Variants in FNDC1 observed in about 807,000 individuals in gnomAD.
FNDC1 encodes the protein fibronectin type III domain containing 1, also known as fibronectin type III domain-containing protein 1.
A neutral mutation model predicts 168.0 loss-of-function variants in FNDC1; 96 were observed. That is an observed-to-expected ratio of 0.57 (90% CI 0.48 to 0.68). The LOEUF (loss-of-function observed/expected upper bound fraction) is 0.68. Ranked by LOEUF, FNDC1 falls within the 30% of genes least tolerant of loss-of-function variation. The pLI is 0.00. For synonymous variants in FNDC1, 1,099 were observed against 1,025.9 expected, an observed-to-expected ratio of 1.07 and a Z score of -1.36; for missense variants, 2,587 against 2,482.1, an observed-to-expected ratio of 1.04 and a Z score of -0.90.
At position 159,203,950 on chromosome 6, in the gene FNDC1, T is replaced by C. The variant is rs182194641; in HGVS notation, c.460+3369T>C. ...ATAGTTCTGAATATGATCATATCTA[T>C]TTAATCATTTTTAAGGTTTTTCTAA... is the stretch of plus-strand genomic sequence containing the variant. On this transcript the variant is annotated intron_variant, in intron 4 of 22. Coordinates refer to ENST00000297267, the MANE Select transcript of FNDC1 (RefSeq NM_032532.3). Among the ~76,000 whole-genome samples, 8 of 152,340 alleles carry C rather than the reference T, an allele frequency of 5.3e-5. No homozygotes were observed. The East Asian group carries it at 1.5e-3, about 29-fold the overall frequency.
chr6:159,233,861 A>G lies in FNDC1; in HGVS notation c.3349A>G (p.Thr1117Ala), dbSNP rs532131329. 1.7e-5 allele frequency: 27 copies of G among 1,546,974 alleles called. No homozygotes were observed. In the East Asian group the frequency reaches 6.6e-4, roughly 38 times the overall value. Reference sequence around the variant, plus strand: ...CAAGCACCAGCAGGTGGAGTCTCCCACAGGCGCAGGGGCAGGTGGCGACCA... The same window carrying G: ...CAAGCACCAGCAGGTGGAGTCTCCCGCAGGCGCAGGGGCAGGTGGCGACCA... ...LPKHQQVESP[T>A]GAGAGGDHRS... The change falls in exon 11 of 23, where the codon ACA (threonine) becomes GCA (alanine). Residue 1117 changes from threonine (T) to alanine (A), a missense_variant. Transcript: ENST00000297267. This position sits in a 1 kb window ranked among gnomAD's most constrained non-coding sequence, Gnocchi z 4.6.
Position 159,197,562 on chromosome 6 carries a change from C to T in FNDC1, c.241C>T (p.Leu81=). ...TTACAACATTGCCTATGGGAAGTCA[C>T]TGAAAAGTCTTAAATACATCAAGGT... ...EHYNIAYGKS[L]KSLKYIKVNA... is the part of the protein sequence containing the mutation. The change falls in exon 2 of 23, where the codon CTG becomes TTG. Residue 81 remains leucine, a synonymous_variant. Coordinates refer to ENST00000297267, the MANE Select transcript of FNDC1 (RefSeq NM_032532.3). 2 of 1,613,980 alleles carry T rather than the reference C, an allele frequency of 1.2e-6. No homozygotes were observed. The highest frequency in any genetic ancestry group is 1.3e-5 in the African/African-American group (1 of 75,058).
chr6:159,218,542 A>C (rs1782754048), intron 5 of FNDC1: 1 of 152,156 alleles, frequency 6.6e-6, no homozygotes. Context: ...CTGTCTACGC[A>C]CTTATCCTGC....
chr6:159,170,372 T>C (rs981499699), intron 1 of FNDC1, among the ~76,000 whole-genome samples: 7 of 152,198 alleles, frequency 4.6e-5, no homozygotes, highest in Non-Finnish European at 1.0e-4. Context: ...CCTTCCCCAA[T>C]GGCTGAGGCT....
intron 4 of FNDC1, among the ~76,000 whole-genome samples, chr6:159,206,142 G>T (rs189438910): frequency 1.3e-5 from 2 of 152,376 alleles, no homozygotes; most frequent in East Asian, 3.9e-4. Context: ...CAAAGCAAGG[G>T]CTCCACCAGA....
At chr6:159,246,571 G>A (rs1777133803) in intron 14 of FNDC1, among the ~76,000 whole-genome samples, 1 of 152,234 alleles carries the variant, frequency 6.6e-6, no homozygotes, top group South Asian at 2.1e-4. Context: ...GAGCCCTGCA[G>A]GCATGCGGGC....
At chr6:159,171,251 T>C (rs564566995) in intron 1 of FNDC1, among the ~76,000 whole-genome samples, 7 of 152,266 alleles carry the variant, frequency 4.6e-5, no homozygotes, top group Admixed American at 1.3e-4. Context: ...GGATCTACAG[T>C]CAAATGATGA....
Position 159,229,863 on chromosome 6 carries a change from C to G in FNDC1, c.1229C>G (p.Ser410Cys). The G allele has an allele frequency of 6.2e-7, 1 of 1,613,766 alleles. No homozygotes were observed. The highest frequency in any genetic ancestry group is 2.2e-5 in the East Asian group (1 of 44,884). The part of the protein sequence containing the change: ...APALKPFGAK[S>C]LTYPGDTTSA... ...GCTCTCAAACCATTTGGAGCAAAGTCCCTCACCTATCCTGGAGACACTACT... is the reference window on the plus strand; with the variant it reads ...GCTCTCAAACCATTTGGAGCAAAGTGCCTCACCTATCCTGGAGACACTACT... Residue 410 changes from serine to cysteine, a missense_variant, in exon 10 of 23, where the codon TCC (serine) becomes TGC (cysteine). By Grantham distance (112) the Ser-to-Cys change is moderately radical. Coordinates refer to ENST00000297267, the MANE Select transcript of FNDC1 (RefSeq NM_032532.3).
At chr6:159,258,653 C>T (rs1777420779) in intron 18 of FNDC1, among the ~76,000 whole-genome samples, 1 of 152,188 alleles carries the variant, frequency 6.6e-6, no homozygotes, top group Admixed American at 6.5e-5. Context: ...TGCTAATCTT[C>T]CTCTCCTGAG....
intron 4 of FNDC1, among the ~76,000 whole-genome samples, chr6:159,204,668 A>G (rs1002886393): frequency 5.9e-5 from 9 of 152,188 alleles, no homozygotes; most frequent in African/African-American, 2.2e-4. Flanking sequence ...ACCCCCAGCT[A>G]TCTAGCTTTC....
chr6:159,175,781 T>C (rs60372115), intron 1 of FNDC1, among the ~76,000 whole-genome samples: 9,715 of 152,276 alleles, frequency 0.064, 1,003 homozygotes, highest in African/African-American at 0.22. Context: ...AACTCTTTGC[T>C]ACTCTCTGTG....
intron 19 of FNDC1, among the ~76,000 whole-genome samples, chr6:159,264,113 A>G (rs1022362452): frequency 6.6e-6 from 1 of 152,238 alleles, no homozygotes. Context: ...ACCTACTTGA[A>G]GTGTACATCT....
At position 159,265,008 on chromosome 6, in the gene FNDC1, A is replaced by T; in HGVS notation, c.5284+4A>T. ...CTGCTTGTTGTGAGGCCCCCAGGTA[A>T]GTTTATGTTCTTGATAATCTGGACA... is the stretch of plus-strand genomic sequence containing the variant. On this transcript the variant is annotated splice_donor_region_variant and intron_variant, in intron 20 of 22. Transcript: ENST00000297267. 1 of 1,604,638 alleles carries T rather than the reference A, an allele frequency of 6.2e-7. No individual in the cohort carries two copies. Among genetic ancestry groups the T allele is most frequent in the South Asian group, 1.1e-5 (1 of 89,298 alleles).
At chr6:159,269,865 G>T (rs536730164) in intron 22 of FNDC1, among the ~76,000 whole-genome samples, 16 of 152,018 alleles carry the variant, frequency 1.1e-4, no homozygotes, top group Non-Finnish European at 1.9e-4. Context: ...CAATATGGAG[G>T]GTCACCTGCT....
chr6:159,236,660 G>T (rs893642702), intron 12 of FNDC1, among the ~76,000 whole-genome samples: 3 of 152,178 alleles, frequency 2.0e-5, no homozygotes, highest in African/African-American at 7.2e-5. Flanking sequence ...TGTCCTGGTA[G>T]CTTCATTTTA....
chr6:159,246,577 C>T (rs935315568), intron 14 of FNDC1, among the ~76,000 whole-genome samples: 6 of 152,132 alleles, frequency 3.9e-5, no homozygotes, highest in African/African-American at 7.2e-5. Context: ...TGCAGGCATG[C>T]GGGCGAGTGG....
rs1343046614 is a variant in FNDC1, at chr6:159,221,719, G to C, written c.766+23G>C. ...CAGGTATGTTTCTAAGGATGCATTT[G>C]GTCAAACCATAGTCTGGTATGAATG... On this transcript the variant is annotated intron_variant, in intron 6 of 22. Transcript: ENST00000297267. 3 of 1,556,076 alleles carry C rather than the reference G, an allele frequency of 1.9e-6. No individual in the cohort carries two copies. The South Asian group carries it at 3.3e-5, about 17-fold the overall frequency.
intron 18 of FNDC1, among the ~76,000 whole-genome samples, chr6:159,260,830 T>A (rs954533827): frequency 6.6e-6 from 1 of 152,230 alleles, no homozygotes; most frequent in Non-Finnish European, 1.5e-5. Flanking sequence ...GTCTTAAACC[T>A]GAGCAAGAGC....
intron 1 of FNDC1, among the ~76,000 whole-genome samples, chr6:159,179,068 C>T (rs941780273): frequency 4.6e-5 from 7 of 152,238 alleles, no homozygotes; most frequent in Admixed American, 2.0e-4. Context: ...CTTTGGCCTC[C>T]GGCCTCCTGG....
Sources: allele counts gnomAD v4.1 joint callset (sites outside exome capture counted in the v4.1 genomes callset), GRCh38; gene constraint gnomAD v4.1.1; non-coding constraint Gnocchi (gnomAD v3.1); transcripts MANE v1.5; gene names NCBI Gene and HGNC (gene_info 2026-07-23, HGNC 2026-07-21).